The following KDM7A variants were observed in gnomAD, a reference collection of about 807,000 sequenced individuals.
KDM7A encodes lysine-specific demethylase 7A.
A neutral mutation model predicts 114.8 loss-of-function variants in KDM7A; 28 were observed. That is an observed-to-expected ratio of 0.24 (90% confidence interval 0.18 to 0.33). The LOEUF is 0.33. Among genes scored for constraint, KDM7A ranks in the 10% least tolerant of loss-of-function variants. The probability of loss-of-function intolerance (pLI) is 1.00; values close to 1 mark genes in which losing one functional copy is unlikely to be tolerated. For synonymous variants in KDM7A, 423 were observed against 397.8 expected, an observed-to-expected ratio of 1.06 and a Z score of -0.75; for missense variants, 942 against 1,142.5, an observed-to-expected ratio of 0.82 and a Z score of 2.53.
chr7:140,101,940 A>AT lies in KDM7A; in HGVS notation c.1638+10dup, dbSNP rs767915584. ...AAGTTTCTTTTTGTTGTCATGAAAC[A>AT]TAATACTTGCCTCTTCCCATGGACA... On this transcript the variant is annotated intron_variant, in intron 12 of 19. Transcript: ENST00000397560. The AT allele has an allele frequency of 2.0e-5, 31 of 1,579,100 alleles. No individual in the cohort carries two copies. Among genetic ancestry groups the AT allele is most frequent in the Non-Finnish European group, 2.7e-5 (31 of 1,149,060 alleles).
chr7:140,094,026 T>C (rs758108194), intron 18 of KDM7A, 30 bp downstream of exon 18: 1 of 1,258,446 alleles, frequency 7.9e-7, no homozygotes, highest in East Asian at 2.3e-5. Flanking sequence ...ATTTTAAATC[T>C]CCTTTTAACG....
At chr7:140,149,403 A>G (rs555936520) in intron 1 of KDM7A, among the ~76,000 whole-genome samples, 1 of 152,344 alleles carries the variant, frequency 6.6e-6, no homozygotes, top group Admixed American at 6.5e-5. Context: ...TGGTGAATGC[A>G]TCCTTACAAA....
chr7:140,105,546 CAT>C (rs1162939092), intron 11 of KDM7A, among the ~76,000 whole-genome samples: 1 of 152,196 alleles, frequency 6.6e-6, no homozygotes, highest in East Asian at 1.9e-4. Context: ...TTGAGATAAT[CAT>C]GTGGTTTTTG....
At chr7:140,092,266 T>C in intron 18 of KDM7A, 189 bp from the exon 19 acceptor site, 3 of 596,380 alleles carry the variant, frequency 5.0e-6, no homozygotes, top group East Asian at 2.8e-5. Flanking sequence ...GACTCGGGTC[T>C]TTAAGTTGCA....
chr7:140,142,059 T>C (rs1794288944), intron 1 of KDM7A, among the ~76,000 whole-genome samples: 2 of 147,428 alleles, frequency 1.4e-5, no homozygotes, highest in African/African-American at 2.5e-5. Context: ...ATCATATATA[T>C]ATAAAAGATA....
intron 9 of KDM7A, among the ~76,000 whole-genome samples, chr7:140,114,989 G>A (rs1325734916): frequency 1.3e-5 from 2 of 149,744 alleles, no homozygotes; most frequent in Non-Finnish European, 1.5e-5. Flanking sequence ...CGCCCCATCC[G>A]GGAAGTGAGG....
At chr7:140,133,471 T>C (rs369353598) in intron 3 of KDM7A, 68 bp downstream of exon 3, 1 of 887,776 alleles carries the variant, frequency 1.1e-6, no homozygotes, top group Non-Finnish European at 1.8e-6. Context: ...TGCCTTTATA[T>C]AATGTCACTC....
In KDM7A at chr7:140,126,661, A is replaced by G; in HGVS notation, c.864T>C (p.Thr288=). The G allele has an allele frequency of 6.2e-7, 1 of 1,612,998 alleles. No homozygotes were observed. The highest frequency in any genetic ancestry group is 8.5e-7 in the Non-Finnish European group (1 of 1,179,474). The change falls in exon 6 of 20, where the codon ACT becomes ACC. Residue 288 remains threonine, a synonymous_variant. Coordinates refer to ENST00000397560, the MANE Select transcript of KDM7A (RefSeq NM_030647.2). ...YTDFHIDFGG[T]SVWYHVLWGE... The stretch of plus-strand genomic sequence containing the variant: ...CCCAGAGGACATGGTACCAGACTGA[A>G]GTTCCACCGAAGTCAATGTGGAAAT...
At chr7:140,097,305 T>G (rs1818130932) in intron 15 of KDM7A, among the ~76,000 whole-genome samples, 1 of 152,162 alleles carries the variant, frequency 6.6e-6, no homozygotes, top group African/African-American at 2.4e-5. Context: ...ACAAGAATAG[T>G]ATAAGCAAAG....
chr7:140,111,442 T>G lies in KDM7A; in HGVS notation c.1339-258A>C, dbSNP rs112927211. On this transcript the variant is annotated intron_variant, in intron 10 of 19. Coordinates refer to ENST00000397560, the MANE Select transcript of KDM7A (RefSeq NM_030647.2). ...TTTGCTTTACATTGAGTAGTAACCT[T>G]GTACTCTACTCCTCAAAGCCTACTG... 4.1e-3 allele frequency among the ~76,000 whole-genome samples: 629 copies of G among 152,296 alleles called. 1 individual carries two copies. Among genetic ancestry groups the G allele is most frequent in the Non-Finnish European group, 6.9e-3 (471 of 68,018 alleles).
At chr7:140,172,834 AT>A (rs1011415845) in intron 1 of KDM7A, among the ~76,000 whole-genome samples, 2 of 152,166 alleles carry the variant, frequency 1.3e-5, no homozygotes, top group South Asian at 4.1e-4. Flanking sequence ...AAGAATTCCA[AT>A]TTTTTTAAAA....
chr7:140,124,109 A>G (rs987378922), intron 7 of KDM7A, among the ~76,000 whole-genome samples: 11 of 151,966 alleles, frequency 7.2e-5, no homozygotes, highest in African/African-American at 2.7e-4. Context: ...ATGCTAAGTG[A>G]AAGAAGCTAG....
At chr7:140,140,496 C>T (rs1449223586) in intron 1 of KDM7A, among the ~76,000 whole-genome samples, 1 of 152,204 alleles carries the variant, frequency 6.6e-6, no homozygotes, top group Non-Finnish European at 1.5e-5. Flanking sequence ...AACACAGCAG[C>T]TGGGTGTGCT....
intron 12 of KDM7A, among the ~76,000 whole-genome samples, chr7:140,100,733 T>A (rs1427352645): frequency 1.9e-5 from 1 of 51,872 alleles, no homozygotes; most frequent in African/African-American, 7.4e-5. Flanking sequence ...TATATATATA[T>A]ATATATATAC....
At chr7:140,164,112 G>C (rs566052684) in intron 1 of KDM7A, among the ~76,000 whole-genome samples, 13 of 152,082 alleles carry the variant, frequency 8.5e-5, no homozygotes, top group African/African-American at 2.4e-4. Flanking sequence ...GGGATTTAGG[G>C]GGACCTGAAT....
At chr7:140,153,910 G>A (rs1231230621) in intron 1 of KDM7A, among the ~76,000 whole-genome samples, 1 of 152,058 alleles carries the variant, frequency 6.6e-6, no homozygotes, top group Non-Finnish European at 1.5e-5. Flanking sequence ...TTGCTAATAG[G>A]TCATGTAAGT....
chr7:140,159,964 A>AC (rs1562960280), intron 1 of KDM7A, among the ~76,000 whole-genome samples: 2 of 151,198 alleles, frequency 1.3e-5, no homozygotes, highest in Non-Finnish European at 2.9e-5. Context: ...AAAAAAAAAA[A>AC]ACCTGTACCC....
At chr7:140,118,298 T>A (rs1469305249) in intron 9 of KDM7A, among the ~76,000 whole-genome samples, 1 of 152,188 alleles carries the variant, frequency 6.6e-6, no homozygotes, top group African/African-American at 2.4e-5. Context: ...CAAAGATAAT[T>A]AAACCAAAAG....
chr7:140,176,202 G>A lies in KDM7A; in HGVS notation c.194+542C>T, dbSNP rs966795554. ...CCACTGGCCCAGGAAGTTTGATAAA[G>A]ACGGGGAAGGGGGCGCGACAGGGAC... is the stretch of plus-strand genomic sequence containing the variant. On this transcript the variant is annotated intron_variant, in intron 1 of 19. Coordinates refer to ENST00000397560, the MANE Select transcript of KDM7A (RefSeq NM_030647.2). This position sits in a 1 kb window ranked among gnomAD's most constrained non-coding sequence, Gnocchi z 4.4. 1.3e-5 allele frequency among the ~76,000 whole-genome samples: 2 copies of A among 151,678 alleles called. No homozygotes were observed. The highest frequency in any genetic ancestry group is 2.1e-4 in the South Asian group (1 of 4,826).
Sources: gnomAD v4.1 joint callset for allele counts (sites outside exome capture counted in the v4.1 genomes callset) on GRCh38, gnomAD v4.1.1 for gene constraint, Gnocchi (gnomAD v3.1) non-coding constraint, MANE v1.5 for transcripts, NCBI Gene and HGNC (gene_info 2026-07-23, HGNC 2026-07-21) for gene names.